Variants in EFCAB13 observed in about 807,000 individuals in gnomAD.
The protein encoded by EFCAB13 is EF-hand calcium binding domain 13.
A neutral mutation model predicts 110.2 loss-of-function variants in EFCAB13; 91 were observed. That is an observed-to-expected ratio of 0.83 (90% confidence interval 0.70 to 0.98). The LOEUF (loss-of-function observed/expected upper bound fraction) is 0.98, where lower values mean the gene tolerates loss of function less well. Among genes scored for constraint, EFCAB13 ranks in the 50% least tolerant of loss-of-function variants. The pLI is 0.00. For missense variants in EFCAB13, 968 were observed against 1,119.4 expected, an observed-to-expected ratio of 0.86 and a Z score of 1.93; for synonymous variants, 323 against 369.9, an observed-to-expected ratio of 0.87 and a Z score of 1.45.
intron 24 of EFCAB13, among the ~76,000 whole-genome samples, chr17:47,438,552 G>T (rs145588006): frequency 7.0e-6 from 1 of 143,492 alleles, no homozygotes; most frequent in East Asian, 2.0e-4. Flanking sequence ...ACTTATCTTC[G>T]AGCTCTGAAT....
At chr17:47,349,759 C>CTT (rs1162133822) in intron 9 of EFCAB13, among the ~76,000 whole-genome samples, 28 of 76,142 alleles carry the variant, frequency 3.7e-4, no homozygotes, top group East Asian at 6.4e-4. Context: ...GCTGATGTTT[C>CTT]TTTTTTTTTT....
Position 47,395,879 on chromosome 17 carries a change from CGAT to C in EFCAB13, c.1850_1852del (p.Met617del). The stretch of plus-strand genomic sequence containing the variant: ...ACCCTCGACGATCTCAGAAAGGAGA[CGAT>C]GAGTGTTTCTGACCTGTGGAATACT... On this transcript the variant is annotated inframe_deletion, in exon 17 of 25. Coordinates refer to ENST00000331493, the MANE Select transcript of EFCAB13 (RefSeq NM_152347.5). 10 of 1,610,030 alleles carry C rather than the reference CGAT, an allele frequency of 6.2e-6. No individual in the cohort carries two copies. Among genetic ancestry groups the C allele is most frequent in the Non-Finnish European group, 8.5e-6 (10 of 1,177,378 alleles).
chr17:47,436,155 T>A (rs1187638762), intron 24 of EFCAB13, among the ~76,000 whole-genome samples: 2 of 152,194 alleles, frequency 1.3e-5, no homozygotes. Flanking sequence ...CTTTTTGATA[T>A]GTCGTTGGAT....
intron 20 of EFCAB13, among the ~76,000 whole-genome samples, chr17:47,405,393 TCC>T (rs1179696607): frequency 6.6e-6 from 1 of 152,174 alleles, no homozygotes; most frequent in East Asian, 1.9e-4. Flanking sequence ...CTAATTACCC[TCC>T]TAAAGATTTG....
At chr17:47,404,237 A>C (rs1018802334) in intron 19 of EFCAB13, among the ~76,000 whole-genome samples, 7 of 152,142 alleles carry the variant, frequency 4.6e-5, no homozygotes, top group African/African-American at 1.7e-4. Flanking sequence ...CCTCATTGCT[A>C]TCTTGATTTA....
intron 9 of EFCAB13, among the ~76,000 whole-genome samples, chr17:47,358,480 T>C (rs1197492965): frequency 6.6e-6 from 1 of 152,166 alleles, no homozygotes; most frequent in African/African-American, 2.4e-5. Context: ...TTTCTATGAA[T>C]TGCCTTTTCA....
chr17:47,421,624 T>TAAAAA lies in EFCAB13; in HGVS notation c.2494+6709_2494+6713dup, dbSNP rs55780288. 4.1e-5 allele frequency among the ~76,000 whole-genome samples: 5 copies of TAAAAA among 123,048 alleles called. No homozygotes were observed. In the East Asian group the frequency reaches 7.3e-4, roughly 18 times the overall value. 80.7% of individuals were successfully genotyped at this position (123,048 alleles called of 152,430 possible). On this transcript the variant is annotated intron_variant, in intron 23 of 24. Transcript: ENST00000331493. The stretch of plus-strand genomic sequence containing the variant: ...GCGAGAAACACCCAAGAATGAGCAA[T>TAAAAA]AAAAAAAAGAAAGAAAGAAAAAAAA...
chr17:47,420,033 A>G (rs1253670401), intron 23 of EFCAB13, among the ~76,000 whole-genome samples: 1 of 151,758 alleles, frequency 6.6e-6, no homozygotes, highest in Non-Finnish European at 1.5e-5. Context: ...ATCTCGGCTC[A>G]CTGCAACCTC....
chr17:47,343,417 G>C (rs143663128), intron 6 of EFCAB13, among the ~76,000 whole-genome samples: 343 of 152,174 alleles, frequency 2.3e-3, no homozygotes, highest in Non-Finnish European at 3.6e-3. Context: ...AGCTGGGATA[G>C]AGACATGTTT....
At position 47,364,466 on chromosome 17, in the gene EFCAB13, C is replaced by T. The variant is rs367909456; in HGVS notation, c.805+2945C>T. ...TAGCTGGGATTACAGGCACGTGCCA[C>T]CAAGCCCAGCTAATTTTTGTATTTT... On this transcript the variant is annotated intron_variant, in intron 10 of 24. Coordinates refer to ENST00000331493, the MANE Select transcript of EFCAB13 (RefSeq NM_152347.5). Among the ~76,000 whole-genome samples, 7 of 152,198 alleles carry T rather than the reference C, an allele frequency of 4.6e-5. No homozygotes were observed. In the East Asian group the frequency reaches 1.2e-3, roughly 25 times the overall value.
At chr17:47,408,711 C>T (rs1027716636) in intron 20 of EFCAB13, among the ~76,000 whole-genome samples, 2 of 152,060 alleles carry the variant, frequency 1.3e-5, no homozygotes, top group Non-Finnish European at 2.9e-5. Context: ...CCCCCCACCT[C>T]ACACCAGAGA....
rs2065265611 is a variant in EFCAB13, at chr17:47,324,075, G to C, written c.-318+1G>C. 6.5e-6 allele frequency: 1 copy of C among 152,984 alleles called. No homozygotes were observed. The highest frequency in any genetic ancestry group is 2.4e-5 in the African/African-American group (1 of 41,432). 9.5% of individuals were successfully genotyped at this position (152,984 alleles called of 1,614,324 possible). A position where few individuals can be genotyped will look rare whatever the true frequency, so the allele number is the denominator to read the frequency against. On this transcript the variant is annotated splice_donor_variant, in intron 1 of 24. Transcript: ENST00000331493. LOFTEE classifies it low-confidence loss of function (5UTR_SPLICE). ...GAGGAAGGGAGGGCAGCTCGGGCCG[G>C]TAGTGGGACCCTTGGGGGACAGAGG...
At chr17:47,424,785 C>T (rs1035739603) in intron 23 of EFCAB13, among the ~76,000 whole-genome samples, 9 of 151,338 alleles carry the variant, frequency 5.9e-5, no homozygotes, top group African/African-American at 2.2e-4. Context: ...TCACAAGAAC[C>T]GTTTCTAAAG....
At chr17:47,397,895 C>A (rs998223973) in intron 17 of EFCAB13, among the ~76,000 whole-genome samples, 1 of 151,952 alleles carries the variant, frequency 6.6e-6, no homozygotes, top group African/African-American at 2.4e-5. Context: ...CTCCACCCAG[C>A]AGCCACCCCA....
intron 9 of EFCAB13, among the ~76,000 whole-genome samples, chr17:47,360,841 A>G (rs1055900820): frequency 6.6e-6 from 1 of 152,074 alleles, no homozygotes; most frequent in Non-Finnish European, 1.5e-5. Context: ...GCTTTCTACA[A>G]ATGGCTAGCC....
intron 23 of EFCAB13, among the ~76,000 whole-genome samples, chr17:47,420,371 C>A (rs1337875111): frequency 5.9e-5 from 9 of 152,414 alleles, no homozygotes; most frequent in East Asian, 5.8e-4. Context: ...GCCGCCACCC[C>A]ATCTGGGAAG....
At chr17:47,392,916 T>G (rs576021100) in intron 15 of EFCAB13, among the ~76,000 whole-genome samples, 4 of 152,288 alleles carry the variant, frequency 2.6e-5, no homozygotes, top group African/African-American at 7.2e-5. Context: ...CACTGGTTAT[T>G]TGCAACACTT....
At chr17:47,393,873 T>G (rs189408023) in intron 15 of EFCAB13, 152 bp from the exon 16 acceptor site, 1 of 356,610 alleles carries the variant, frequency 2.8e-6, no homozygotes, top group East Asian at 4.6e-5. Flanking sequence ...TTGATTTGCT[T>G]TTCCCCTTTA....
At chr17:47,397,787 C>T (rs2143430849) in intron 17 of EFCAB13, among the ~76,000 whole-genome samples, 1 of 151,728 alleles carries the variant, frequency 6.6e-6, no homozygotes, top group East Asian at 2.0e-4. Context: ...AACCGCCCGT[C>T]TGAGAAGTGA....
Sources: allele counts gnomAD v4.1 joint callset (sites outside exome capture counted in the v4.1 genomes callset), GRCh38; gene constraint gnomAD v4.1.1; transcripts MANE v1.5; gene names NCBI Gene and HGNC (gene_info 2026-07-23, HGNC 2026-07-21).